GPHN: variants seen among roughly 807,000 people sequenced by gnomAD.
The protein encoded by GPHN is gephyrin.
A neutral mutation model predicts 95.5 loss-of-function variants in GPHN; 17 were observed. The ratio of observed to expected loss-of-function variants is 0.18; its 90% confidence interval spans 0.12 to 0.27. The LOEUF is 0.27. Among genes scored for constraint, GPHN ranks in the 10% least tolerant of loss-of-function variants. The pLI, the probability that GPHN is intolerant of heterozygous loss-of-function variation, is 1.00. For missense variants in GPHN, 660 were observed against 978.1 expected (o/e 0.67, Z 4.34); for synonymous variants, 320 against 322.5 (o/e 0.99, Z 0.08).
chr14:67,637,429 AAAAAG>A, the GPHN span, among the ~76,000 whole-genome samples: 3 of 150,656 alleles, frequency 2.0e-5, no homozygotes, highest in Admixed American at 2.0e-4. Flanking sequence ...AAAAAAAAAA[AAAAAG>A]AACTTTAATA....
At chr14:67,031,537 CTAAG>C (rs540066870) in intron 10 of GPHN, among the ~76,000 whole-genome samples, 79 of 152,160 alleles carry the variant, frequency 5.2e-4, no homozygotes, top group African/African-American at 1.7e-3. Context: ...TTTATCTAGT[CTAAG>C]TAAACCAACT....
chr14:67,359,889 G>A, the GPHN span: 1 of 660,180 alleles, frequency 1.5e-6, no homozygotes. Flanking sequence ...GACGAAGGGG[G>A]AGGACAGAAC....
intron 1 of GPHN, among the ~76,000 whole-genome samples, chr14:66,569,917 G>T (rs2060611611): frequency 6.6e-6 from 1 of 151,986 alleles, no homozygotes; most frequent in African/African-American, 2.4e-5. Flanking sequence ...CAGAAATTTT[G>T]TATCTGATGA....
chr14:67,404,833 AGTATTTCTAATACTTAT>A, the GPHN span, among the ~76,000 whole-genome samples: 1 of 152,074 alleles, frequency 6.6e-6, no homozygotes, highest in Non-Finnish European at 1.5e-5. Flanking sequence ...ATAGTACATA[AGTATTTCTAATACTTAT>A]GTATTTCTTG....
At chr14:66,567,544 T>G (rs1357345612) in intron 1 of GPHN, among the ~76,000 whole-genome samples, 1 of 152,174 alleles carries the variant, frequency 6.6e-6, no homozygotes, top group Non-Finnish European at 1.5e-5. Flanking sequence ...AGTGAATGAA[T>G]AAATGAAAGC....
At chr14:66,951,258 A>T (rs1172784638) in intron 8 of GPHN, among the ~76,000 whole-genome samples, 1 of 152,026 alleles carries the variant, frequency 6.6e-6, no homozygotes, top group Non-Finnish European at 1.5e-5. Flanking sequence ...AGTGGCTAAC[A>T]CCTGTAAACC....
At chr14:66,635,476 C>G (rs1256320951) in intron 1 of GPHN, among the ~76,000 whole-genome samples, 1 of 152,124 alleles carries the variant, frequency 6.6e-6, no homozygotes, top group African/African-American at 2.4e-5. Context: ...ATTCAAACTT[C>G]ACAGAAGCCA....
At chr14:67,695,707 T>A in the GPHN span, 1 of 1,613,604 alleles carries the variant, frequency 6.2e-7, no homozygotes, top group Admixed American at 1.7e-5. Flanking sequence ...CAACCATCTC[T>A]GCCGGCTGCA....
intron 21 of GPHN, among the ~76,000 whole-genome samples, chr14:67,176,440 G>A (rs2082955434): frequency 6.6e-6 from 1 of 152,178 alleles, no homozygotes; most frequent in African/African-American, 2.4e-5. Flanking sequence ...CTTGATCGTG[G>A]TGGATAAGCT....
intron 17 of GPHN, among the ~76,000 whole-genome samples, chr14:67,139,477 TA>T (rs954973306): frequency 2.0e-5 from 3 of 152,140 alleles, no homozygotes; most frequent in Admixed American, 6.5e-5. Context: ...TACATGCCTT[TA>T]AAAAACTACA....
chr14:67,216,059 A>C, the GPHN span, among the ~76,000 whole-genome samples: 3 of 152,166 alleles, frequency 2.0e-5, no homozygotes, highest in Non-Finnish European at 4.4e-5. Context: ...AGAGTTCCAC[A>C]CACGCCTCCC....
intron 9 of GPHN, among the ~76,000 whole-genome samples, chr14:66,976,656 G>A (rs2070244058): frequency 6.6e-6 from 1 of 152,088 alleles, no homozygotes; most frequent in Non-Finnish European, 1.5e-5. Flanking sequence ...ATATTTCAGT[G>A]AATATTTTTA....
chr14:67,103,223 C>A (rs1292597497), intron 13 of GPHN, among the ~76,000 whole-genome samples: 1 of 152,142 alleles, frequency 6.6e-6, no homozygotes, highest in Non-Finnish European at 1.5e-5. Context: ...GTCAATGTAT[C>A]TGTTTTGCTG....
chr14:67,379,230 G>A, the GPHN span, among the ~76,000 whole-genome samples: 2 of 152,154 alleles, frequency 1.3e-5, no homozygotes, highest in Non-Finnish European at 2.9e-5. Flanking sequence ...GCCTAGGAGT[G>A]GAATTGTTGG....
the GPHN span, chr14:67,727,467 A>G: frequency 8.1e-6 from 3 of 371,146 alleles, no homozygotes; most frequent in Non-Finnish European, 1.5e-5. Context: ...CAACAGACAG[A>G]GGCTTTTTGT....
At chr14:67,501,402 T>C in the GPHN span, among the ~76,000 whole-genome samples, 1 of 152,198 alleles carries the variant, frequency 6.6e-6, no homozygotes, top group Non-Finnish European at 1.5e-5. Context: ...TCTTGCTCTG[T>C]TGGCCAGGCT....
the GPHN span, among the ~76,000 whole-genome samples, chr14:67,508,135 C>CAAAAAAAAAAAAAAAAAAAAAAA: frequency 2.4e-4 from 31 of 130,598 alleles, no homozygotes; most frequent in African/African-American, 8.7e-4. Context: ...AACTCCATCT[C>CAAAAAAAAAAAAAAAAAAAAAAA]AAAAAAAAAA....
At chr14:67,713,563 G>C in the GPHN span, among the ~76,000 whole-genome samples, 1 of 152,110 alleles carries the variant, frequency 6.6e-6, no homozygotes, top group Admixed American at 6.5e-5. Context: ...CTGGTACCAG[G>C]CACTGATAGG....
At chr14:67,036,598 A>T (rs77696137) in intron 10 of GPHN, among the ~76,000 whole-genome samples, 1,976 of 151,606 alleles carry the variant, frequency 0.013, 22 homozygotes, top group Non-Finnish European at 0.019. Context: ...CAGGGGTACA[A>T]AGTCAACAAT....
Sources: gnomAD v4.1 joint callset for allele counts (sites outside exome capture counted in the v4.1 genomes callset) on GRCh38, gnomAD v4.1.1 for gene constraint, MANE v1.5 for transcripts, NCBI Gene and HGNC (gene_info 2026-07-23, HGNC 2026-07-21) for gene names.